OSBPL1A: variants seen among roughly 807,000 people sequenced by gnomAD.
The protein encoded by OSBPL1A is oxysterol binding protein like 1A.
In OSBPL1A, 80 loss-of-function variants were observed where a neutral mutation model predicts 137.1. The observed-to-expected ratio is 0.58, with a 90% CI of 0.49 to 0.70. The LOEUF (loss-of-function observed/expected upper bound fraction) is 0.70, where lower values mean the gene tolerates loss of function less well. Among genes scored for constraint, OSBPL1A ranks in the 30% least tolerant of loss-of-function variants. OSBPL1A has a pLI of 0.00. For missense variants in OSBPL1A, 970 were observed against 1,129.4 expected, an observed-to-expected ratio of 0.86 and a Z score of 2.02; for synonymous variants, 365 against 389.7, an observed-to-expected ratio of 0.94 and a Z score of 0.75.
chr18:24,194,362 AATG>A (rs1457766925), intron 18 of OSBPL1A, among the ~76,000 whole-genome samples: 2 of 152,254 alleles, frequency 1.3e-5, no homozygotes, highest in African/African-American at 2.4e-5. Context: ...AATTTGTAGT[AATG>A]ATGAGCATTC....
At chr18:24,313,718 A>G (rs2146115714) in intron 12 of OSBPL1A, among the ~76,000 whole-genome samples, 1 of 152,338 alleles carries the variant, frequency 6.6e-6, no homozygotes, top group African/African-American at 2.4e-5. Context: ...GAGAATTAAA[A>G]TTGAAAAACA....
chr18:24,185,333 T>C (rs555036421), intron 18 of OSBPL1A, among the ~76,000 whole-genome samples: 157 of 125,090 alleles, frequency 1.3e-3, no homozygotes, highest in African/African-American at 5.8e-3. Flanking sequence ...TTTTTCTTTT[T>C]TTTTTTTTTT....
intron 15 of OSBPL1A, among the ~76,000 whole-genome samples, chr18:24,259,724 A>G (rs1478131388): frequency 1.3e-5 from 2 of 152,154 alleles, no homozygotes; most frequent in Non-Finnish European, 2.9e-5. Context: ...ACACTGATAC[A>G]TGTAACGTTT....
At chr18:24,366,810 A>G (rs775018928) in intron 4 of OSBPL1A, 82 bp downstream of exon 4, 2 of 1,363,638 alleles carry the variant, frequency 1.5e-6, no homozygotes, top group Non-Finnish European at 2.0e-6. Context: ...GTTGCTGGTC[A>G]GATGGTTATA....
intron 4 of OSBPL1A, among the ~76,000 whole-genome samples, chr18:24,358,750 A>G (rs1231008984): frequency 2.0e-5 from 3 of 152,120 alleles, no homozygotes; most frequent in Non-Finnish European, 4.4e-5. Flanking sequence ...TTGTTTATTT[A>G]CTATTTTAGA....
intron 18 of OSBPL1A, among the ~76,000 whole-genome samples, chr18:24,191,693 T>A (rs1350821129): frequency 6.6e-6 from 1 of 152,188 alleles, no homozygotes; most frequent in Non-Finnish European, 1.5e-5. Flanking sequence ...AGTAATGAAG[T>A]ATGATGAAGT....
intron 4 of OSBPL1A, among the ~76,000 whole-genome samples, chr18:24,362,997 C>A (rs2091647250): frequency 6.6e-6 from 1 of 152,200 alleles, no homozygotes; most frequent in Non-Finnish European, 1.5e-5. Flanking sequence ...GCAGTGAAAC[C>A]CAGCAGTTTT....
chr18:24,199,355 A>G (rs1449798713), intron 17 of OSBPL1A, among the ~76,000 whole-genome samples: 1 of 152,128 alleles, frequency 6.6e-6, no homozygotes, highest in Non-Finnish European at 1.5e-5. Flanking sequence ...CTGAGATGGC[A>G]GGAGTAATAA....
At chr18:24,247,330 T>C (rs555059859) in intron 15 of OSBPL1A, among the ~76,000 whole-genome samples, 1 of 152,334 alleles carries the variant, frequency 6.6e-6, no homozygotes, top group East Asian at 1.9e-4. Context: ...GTACTGGCGA[T>C]GTGAAGGTCA....
rs2091110224 is a variant in OSBPL1A, at chr18:24,332,996, A to G, written c.571T>C (p.Cys191Arg). 2 of 1,614,174 alleles carry G rather than the reference A, an allele frequency of 1.2e-6. No individual in the cohort carries two copies. The highest frequency in any genetic ancestry group is 4.5e-5 in the East Asian group (2 of 44,886). ...HCAAYRAHKQCALKLLRSGAD... is the reference protein window; with the variant it reads ...HCAAYRAHKQRALKLLRSGAD... Reference sequence around the variant, plus strand: ...CCACTTCTTAGAAGCTTTAAGGCACATTGTTTATGGGCCCGGTAAGCTGCA... The same window carrying G: ...CCACTTCTTAGAAGCTTTAAGGCACGTTGTTTATGGGCCCGGTAAGCTGCA... The change falls in exon 7 of 28, where the codon TGT becomes CGT. Residue 191 changes from cysteine (C) to arginine (R), a missense_variant. This residue lies in a region of OSBPL1A where 647 missense variants were observed against 672.6 expected (regional missense o/e 0.96). Transcript: ENST00000319481.
intron 17 of OSBPL1A, among the ~76,000 whole-genome samples, chr18:24,221,047 C>A (rs745381142): frequency 4.6e-5 from 7 of 152,130 alleles, no homozygotes. Context: ...TCCCAAAGTA[C>A]TAGTATTACA....
At chr18:24,192,529 A>G (rs941696603) in intron 18 of OSBPL1A, among the ~76,000 whole-genome samples, 2 of 152,238 alleles carry the variant, frequency 1.3e-5, no homozygotes, top group African/African-American at 4.8e-5. Context: ...ACATTTTGAT[A>G]ACATAATCCT....
chr18:24,227,084 G>C (rs2088108718), intron 16 of OSBPL1A, among the ~76,000 whole-genome samples: 1 of 151,776 alleles, frequency 6.6e-6, no homozygotes, highest in Non-Finnish European at 1.5e-5. Flanking sequence ...GTAAAGACGG[G>C]GTTTCACCAT....
intron 23 of OSBPL1A, among the ~76,000 whole-genome samples, chr18:24,171,091 G>A (rs932635472): frequency 6.6e-6 from 1 of 151,434 alleles, no homozygotes; most frequent in Admixed American, 6.6e-5. Flanking sequence ...CTGGAGTGTG[G>A]TGGTGCGATC....
chr18:24,326,636 T>G (rs35444023), intron 7 of OSBPL1A, among the ~76,000 whole-genome samples: 1 of 152,146 alleles, frequency 6.6e-6, no homozygotes, highest in Non-Finnish European at 1.5e-5. Context: ...AAGGCAGCCA[T>G]CTGGGTTCCT....
At chr18:24,216,456 G>A (rs982851666) in intron 17 of OSBPL1A, among the ~76,000 whole-genome samples, 4 of 152,172 alleles carry the variant, frequency 2.6e-5, no homozygotes, top group Admixed American at 2.0e-4. Flanking sequence ...GCAGTGAGCC[G>A]AGATAGTGCC....
chr18:24,324,603 T>TAAAAA (rs71163674), intron 7 of OSBPL1A, among the ~76,000 whole-genome samples: 7 of 5,646 alleles, frequency 1.2e-3, no homozygotes, highest in Non-Finnish European at 2.0e-3. Context: ...AATATGAATA[T>TAAAAA]AAAAAAAAAA....
intron 15 of OSBPL1A, among the ~76,000 whole-genome samples, chr18:24,280,042 G>C (rs1313389510): frequency 6.6e-6 from 1 of 152,100 alleles, no homozygotes; most frequent in Non-Finnish European, 1.5e-5. Flanking sequence ...TGCCTCCCAG[G>C]CTCAAGTGAT....
At chr18:24,381,948 G>A (rs1906614946) in intron 1 of OSBPL1A, among the ~76,000 whole-genome samples, 2 of 151,544 alleles carry the variant, frequency 1.3e-5, no homozygotes, top group African/African-American at 4.9e-5. Flanking sequence ...GCAACAGAGG[G>A]AGACTCCACC....
Sources: allele counts gnomAD v4.1 joint callset (sites outside exome capture counted in the v4.1 genomes callset), GRCh38; gene constraint gnomAD v4.1.1; regional missense constraint gnomAD v4.1.1; transcripts MANE v1.5; gene names NCBI Gene and HGNC (gene_info 2026-07-23, HGNC 2026-07-21).